The following QKI variants were observed in gnomAD, a reference collection of about 807,000 sequenced individuals.
QKI encodes KH domain-containing RNA-binding protein QKI.
A neutral mutation model predicts 39.0 loss-of-function variants in QKI; 10 were observed. That is an observed-to-expected ratio of 0.26 (90% CI 0.16 to 0.43). The LOEUF (loss-of-function observed/expected upper bound fraction) is 0.43. QKI is among the 20% of genes least tolerant of loss of function. QKI has a pLI of 1.00. For synonymous variants in QKI, 204 were observed against 155.4 expected, an observed-to-expected ratio of 1.31 and a Z score of -2.33; for missense variants, 218 against 428.0, an observed-to-expected ratio of 0.51 and a Z score of 4.33.
intron 2 of QKI, among the ~76,000 whole-genome samples, chr6:163,468,918 T>C (rs1398245047): frequency 2.0e-5 from 3 of 152,126 alleles, no homozygotes; most frequent in Non-Finnish European, 4.4e-5. Flanking sequence ...GTTTTTTTTT[T>C]TTCTTCATTC....
At chr6:163,517,320 A>G (rs186559996) in intron 3 of QKI, among the ~76,000 whole-genome samples, 3 of 152,250 alleles carry the variant, frequency 2.0e-5, no homozygotes, top group East Asian at 3.9e-4. Flanking sequence ...ACCCAGGATA[A>G]TCTCCCTGTT....
intron 3 of QKI, among the ~76,000 whole-genome samples, chr6:163,510,217 A>AAATAAT (rs142297811): frequency 0.13 from 18,309 of 136,026 alleles, 1,242 homozygotes; most frequent in Middle Eastern, 0.18. Flanking sequence ...CTCTATCTCA[A>AAATAAT]AATAATAATA....
chr6:163,483,006 C>CACG (rs1215099165), intron 3 of QKI, among the ~76,000 whole-genome samples: 1 of 152,152 alleles, frequency 6.6e-6, no homozygotes, highest in East Asian at 1.9e-4. Context: ...ACCCATTTGT[C>CACG]ACTTCATTAT....
chr6:163,519,845 A>G (rs962876349), intron 3 of QKI, among the ~76,000 whole-genome samples: 3 of 152,086 alleles, frequency 2.0e-5, no homozygotes, highest in African/African-American at 7.2e-5. Flanking sequence ...ATCTCAGAAA[A>G]TGTTTTTCAT....
At chr6:163,536,669 A>G (rs1781231112) in intron 4 of QKI, among the ~76,000 whole-genome samples, 1 of 150,794 alleles carries the variant, frequency 6.6e-6, no homozygotes, top group Non-Finnish European at 1.5e-5. Context: ...CATAGAGCCC[A>G]GCACATAGCA....
intron 4 of QKI, among the ~76,000 whole-genome samples, chr6:163,552,489 C>T (rs1021353500): frequency 1.3e-5 from 2 of 152,110 alleles, no homozygotes; most frequent in Non-Finnish European, 2.9e-5. Context: ...GGATTACAGG[C>T]GTGAGCCACC....
chr6:163,415,099 C>G lies in QKI; in HGVS notation c.-95C>G, dbSNP rs1787318159. 2.9e-6 allele frequency: 3 copies of G among 1,026,296 alleles called. No individual in the cohort carries two copies. Among genetic ancestry groups the G allele is most frequent in the Non-Finnish European group, 3.5e-6 (3 of 854,878 alleles). The allele number at this position is 1,026,296 out of a possible 1,614,324, so 63.6% of individuals were successfully genotyped here. ...CGGCGCGGAGCGGGACGCCGGGTCC[C>G]GAGCGGCCCGCGGCCGGGGCTCGCC... On this transcript the variant is annotated 5_prime_UTR_variant, in exon 1 of 8. Coordinates refer to ENST00000361752, the MANE Select transcript of QKI (RefSeq NM_006775.3).
At chr6:163,539,899 G>A (rs925051897) in intron 4 of QKI, among the ~76,000 whole-genome samples, 3 of 151,810 alleles carry the variant, frequency 2.0e-5, no homozygotes, top group Admixed American at 1.3e-4. Flanking sequence ...TTTTTTAAAA[G>A]CCCTTTAATT....
chr6:163,476,281 T>G (rs894376876), intron 2 of QKI, among the ~76,000 whole-genome samples: 1 of 151,950 alleles, frequency 6.6e-6, no homozygotes, highest in African/African-American at 2.4e-5. Flanking sequence ...ACTAAAGTTT[T>G]TTTTTTTTTT....
intron 3 of QKI, among the ~76,000 whole-genome samples, chr6:163,497,894 C>T (rs1276065374): frequency 1.3e-5 from 2 of 152,010 alleles, no homozygotes; most frequent in East Asian, 3.8e-4. Flanking sequence ...TTTGTGACTT[C>T]TACAAAACAC....
intron 6 of QKI, chr6:163,566,205 A>C: frequency 7.6e-7 from 1 of 1,318,366 alleles, no homozygotes; most frequent in Non-Finnish European, 9.7e-7. Context: ...TAAGTGTACT[A>C]TACTGTTTGC....
chr6:163,550,021 C>A (rs1782127462), intron 4 of QKI, among the ~76,000 whole-genome samples: 1 of 152,156 alleles, frequency 6.6e-6, no homozygotes, highest in Non-Finnish European at 1.5e-5. Flanking sequence ...GCAGTCAAAT[C>A]CATTAAAAGT....
chr6:163,523,648 T>C (rs1780295136), intron 3 of QKI, among the ~76,000 whole-genome samples: 1 of 152,242 alleles, frequency 6.6e-6, no homozygotes, highest in Non-Finnish European at 1.5e-5. Flanking sequence ...ATTTCATTTG[T>C]AGAATTCAGA....
At chr6:163,436,458 G>A (rs557836213) in intron 1 of QKI, among the ~76,000 whole-genome samples, 11 of 152,062 alleles carry the variant, frequency 7.2e-5, no homozygotes, top group Non-Finnish European at 1.3e-4. Context: ...CAAGAAAAAC[G>A]TTTTACAAAT....
intron 3 of QKI, among the ~76,000 whole-genome samples, chr6:163,483,546 C>T (rs1793243457): frequency 1.3e-5 from 2 of 152,148 alleles, no homozygotes; most frequent in South Asian, 4.1e-4. Context: ...AAATACATTT[C>T]ATCTCAAGAA....
chr6:163,512,203 T>G (rs1337175210), intron 3 of QKI, among the ~76,000 whole-genome samples: 1 of 151,992 alleles, frequency 6.6e-6, no homozygotes, highest in East Asian at 1.9e-4. Context: ...TTTGATAAAT[T>G]CGCCTTATGA....
intron 1 of QKI, among the ~76,000 whole-genome samples, chr6:163,418,337 A>G (rs548495304): frequency 6.6e-6 from 1 of 152,000 alleles, no homozygotes; most frequent in Admixed American, 6.5e-5. Context: ...GGCTAGTTAC[A>G]AATTTGAGGA....
At chr6:163,499,027 C>G (rs1288306394) in intron 3 of QKI, among the ~76,000 whole-genome samples, 1 of 152,102 alleles carries the variant, frequency 6.6e-6, no homozygotes, top group Non-Finnish European at 1.5e-5. Context: ...GTGCACGAAA[C>G]AAAGTTTGTG....
chr6:163,445,572 G>A (rs949520201), intron 1 of QKI, among the ~76,000 whole-genome samples: 5 of 151,388 alleles, frequency 3.3e-5, no homozygotes, highest in East Asian at 3.9e-4. Context: ...ACACACAAGC[G>A]CTGTTGTGCC....
Sources: allele counts gnomAD v4.1 joint callset (sites outside exome capture counted in the v4.1 genomes callset), GRCh38; gene constraint gnomAD v4.1.1; transcripts MANE v1.5; gene names NCBI Gene and HGNC (gene_info 2026-07-23, HGNC 2026-07-21).